Variants in GKAP1 observed in about 807,000 individuals in gnomAD.
The protein encoded by GKAP1 is G kinase-anchoring protein 1.
In GKAP1, 31 loss-of-function variants were observed where a neutral mutation model predicts 56.7. The observed-to-expected ratio is 0.55, with a 90% CI of 0.41 to 0.74. GKAP1 has a LOEUF of 0.74. GKAP1 is among the 30% of genes least tolerant of loss of function. The pLI is 0.00. For synonymous variants in GKAP1, 151 were observed against 138.6 expected (o/e 1.09, Z -0.63); for missense variants, 364 against 402.3 (o/e 0.90, Z 0.82).
chr9:83,776,451 C>T (rs1043916283), intron 7 of GKAP1, among the ~76,000 whole-genome samples: 5 of 152,140 alleles, frequency 3.3e-5, no homozygotes, highest in African/African-American at 9.7e-5. Flanking sequence ...TCTAATCCCA[C>T]TTTGGGAGGC....
chr9:83,771,971 T>G (rs1943770459), intron 7 of GKAP1, among the ~76,000 whole-genome samples: 1 of 107,042 alleles, frequency 9.3e-6, no homozygotes, highest in African/African-American at 3.0e-5. Context: ...CCTTAAGTAC[T>G]TTTGAGTGAG....
chr9:83,755,826 CG>C (rs1368604303), intron 8 of GKAP1, among the ~76,000 whole-genome samples: 4 of 122,810 alleles, frequency 3.3e-5, no homozygotes, highest in African/African-American at 1.3e-4. Flanking sequence ...TTTTTTGAGA[CG>C]AAGTCTCGAT....
chr9:83,811,609 G>A (rs565688854), intron 2 of GKAP1, among the ~76,000 whole-genome samples: 2 of 152,250 alleles, frequency 1.3e-5, no homozygotes, highest in South Asian at 4.1e-4. Flanking sequence ...TGTCACATCA[G>A]CAACCTATGT....
intron 8 of GKAP1, among the ~76,000 whole-genome samples, chr9:83,762,610 G>A (rs760233560): frequency 3.3e-5 from 5 of 151,988 alleles, no homozygotes; most frequent in Admixed American, 2.0e-4. Context: ...TAAGCAAAAC[G>A]AAGAAAACTG....
intron 3 of GKAP1, among the ~76,000 whole-genome samples, chr9:83,804,551 A>C (rs527627689): frequency 0.03 from 530 of 17,592 alleles, no homozygotes; most frequent in African/African-American, 0.039. Flanking sequence ...GCCCAGCCAG[A>C]CGCCCCGTCC....
chr9:83,771,030 A>C (rs569880183), intron 7 of GKAP1, among the ~76,000 whole-genome samples: 109 of 152,274 alleles, frequency 7.2e-4, no homozygotes, highest in African/African-American at 2.5e-3. Context: ...GAGACTGAAG[A>C]AAACATTCCT....
At position 83,788,647 on chromosome 9, in the gene GKAP1, T is replaced by A; in HGVS notation, c.392A>T (p.Glu131Val). ...TAGTTTACTTAGTAACAATGCCTTCTCAAGATCTGCTTCAAACATTTCAGA... is the reference window on the plus strand; with the variant it reads ...TAGTTTACTTAGTAACAATGCCTTCACAAGATCTGCTTCAAACATTTCAGA... ...LTSEMFEADL[E>V]KALLLSKLEY... Residue 131 changes from glutamate (E) to valine (V), a missense_variant, in exon 5 of 13, where the codon GAG (glutamate) becomes GTG (valine). Coordinates refer to ENST00000376371, the MANE Select transcript of GKAP1 (RefSeq NM_025211.4). The A allele has an allele frequency of 6.2e-7, 1 of 1,605,856 alleles. No homozygotes were observed. The highest frequency in any genetic ancestry group is 8.5e-7 in the Non-Finnish European group (1 of 1,176,212).
intron 4 of GKAP1, among the ~76,000 whole-genome samples, chr9:83,795,628 G>A (rs1159086272): frequency 8.2e-6 from 1 of 122,036 alleles, no homozygotes; most frequent in Non-Finnish European, 1.6e-5. Flanking sequence ...GTCTCGCTCT[G>A]TCACCCAGGC....
intron 7 of GKAP1, among the ~76,000 whole-genome samples, chr9:83,775,604 A>C (rs978506934): frequency 6.6e-6 from 1 of 152,098 alleles, no homozygotes; most frequent in Non-Finnish European, 1.5e-5. Context: ...AGTCGGGCAC[A>C]GTGGCTCACT....
At chr9:83,754,091 T>C (rs141308529) in intron 8 of GKAP1, among the ~76,000 whole-genome samples, 2 of 152,112 alleles carry the variant, frequency 1.3e-5, no homozygotes, top group East Asian at 1.9e-4. Flanking sequence ...ATAAATAAAA[T>C]CATGGAACCT....
chr9:83,759,070 AAAAT>A (rs1943526126), intron 8 of GKAP1, among the ~76,000 whole-genome samples: 1 of 152,178 alleles, frequency 6.6e-6, no homozygotes, highest in Non-Finnish European at 1.5e-5. Flanking sequence ...GGTAAAAAGA[AAAAT>A]AAACCAAAAA....
At chr9:83,761,230 T>C (rs1564193497) in intron 8 of GKAP1, among the ~76,000 whole-genome samples, 1 of 151,146 alleles carries the variant, frequency 6.6e-6, no homozygotes, top group Non-Finnish European at 1.5e-5. Flanking sequence ...AAAACACAGA[T>C]AAAAAAAGAG....
intron 7 of GKAP1, 141 bp from the exon 8 acceptor site, chr9:83,769,111 A>G: frequency 1.7e-6 from 1 of 602,574 alleles, no homozygotes; most frequent in Non-Finnish European, 2.8e-6. Flanking sequence ...GAAAAATGAC[A>G]GCTAAGAGAC....
intron 8 of GKAP1, among the ~76,000 whole-genome samples, chr9:83,756,522 G>A (rs577533950): frequency 1.2e-4 from 12 of 101,446 alleles, no homozygotes; most frequent in Non-Finnish European, 1.6e-4. Flanking sequence ...TTAATGTCCT[G>A]AATGCTCATC....
chr9:83,761,310 A>C (rs368975404), intron 8 of GKAP1, among the ~76,000 whole-genome samples: 1 of 152,114 alleles, frequency 6.6e-6, no homozygotes, highest in East Asian at 1.9e-4. Flanking sequence ...TATGCCAATA[A>C]ATTGGAAAAT....
intron 5 of GKAP1, 50 bp downstream of exon 5, chr9:83,788,551 T>C: frequency 9.4e-7 from 1 of 1,064,876 alleles, no homozygotes; most frequent in Non-Finnish European, 1.4e-6. Context: ...GATTTTAACC[T>C]CTCACCACTT....
chr9:83,760,989 G>A (rs1414133656), intron 8 of GKAP1, among the ~76,000 whole-genome samples: 3 of 150,742 alleles, frequency 2.0e-5, no homozygotes, highest in African/African-American at 7.3e-5. Context: ...AACACAAAAT[G>A]AGAAGAAAGA....
chr9:83,743,144 CAGAG>C (rs943827079), intron 10 of GKAP1, among the ~76,000 whole-genome samples: 1 of 152,168 alleles, frequency 6.6e-6, no homozygotes, highest in Non-Finnish European at 1.5e-5. Flanking sequence ...GCCTGGGCGA[CAGAG>C]AGAGACTCTG....
chr9:83,774,748 T>C (rs966998932), intron 7 of GKAP1, among the ~76,000 whole-genome samples: 1 of 138,304 alleles, frequency 7.2e-6, no homozygotes, highest in African/African-American at 2.7e-5. Flanking sequence ...GCTGGCTCTG[T>C]TGCCAGGTTG....
Sources: gnomAD v4.1 joint callset for allele counts (sites outside exome capture counted in the v4.1 genomes callset) on GRCh38, gnomAD v4.1.1 for gene constraint, MANE v1.5 for transcripts, NCBI Gene and HGNC (gene_info 2026-07-23, HGNC 2026-07-21) for gene names.